WDR7: variants seen among roughly 807,000 people sequenced by gnomAD.
WDR7 encodes the protein WD repeat domain 7.
WDR7 carries 46 observed loss-of-function variants against 169.4 expected under a neutral mutation model. The ratio of observed to expected loss-of-function variants is 0.27; its 90% confidence interval spans 0.21 to 0.35. The LOEUF (loss-of-function observed/expected upper bound fraction) is 0.35. Among genes scored for constraint, WDR7 ranks in the 10% least tolerant of loss-of-function variants. The probability of loss-of-function intolerance (pLI) is 1.00; values close to 1 mark genes in which losing one functional copy is unlikely to be tolerated. For synonymous variants in WDR7, 612 were observed against 666.8 expected (o/e 0.92, Z 1.27); for missense variants, 1,534 against 1,859.3 (o/e 0.83, Z 3.22).
rs1276941515 is a variant in WDR7, at chr18:56,938,568, A to G, written c.3867A>G (p.Gln1289=). Reference sequence around the variant, plus strand: ...ATACGGCTCTTGCAGCAAATACCCAATCACAGCAGAATATGCACACAACAA... The same window carrying G: ...ATACGGCTCTTGCAGCAAATACCCAGTCACAGCAGAATATGCACACAACAA... ...HRHTALAANT[Q]SQQNMHTTTL... is the part of the protein sequence containing the mutation. The change falls in exon 24 of 28, where the codon CAA becomes CAG. Residue 1289 remains glutamine (Q), a synonymous_variant. Transcript: ENST00000254442. The G allele has an allele frequency of 1.2e-6, 2 of 1,613,862 alleles. No individual in the cohort carries two copies. Among genetic ancestry groups the G allele is most frequent in the Non-Finnish European group, 1.7e-6 (2 of 1,179,908 alleles).
intron 20 of WDR7, among the ~76,000 whole-genome samples, chr18:56,851,405 C>T (rs756129408): frequency 7.9e-5 from 12 of 152,172 alleles, no homozygotes; most frequent in South Asian, 6.2e-4. Context: ...TTTTCTGAAA[C>T]GATTTTCCTG....
intron 20 of WDR7, among the ~76,000 whole-genome samples, chr18:56,818,341 T>G (rs1244214035): frequency 6.6e-6 from 1 of 152,228 alleles, no homozygotes; most frequent in African/African-American, 2.4e-5. Flanking sequence ...TTACAGTATA[T>G]GATTTTTTAA....
chr18:56,756,525 G>T, intron 14 of WDR7, 58 bp from the exon 15 acceptor site: 1 of 1,324,914 alleles, frequency 7.5e-7, no homozygotes, highest in Non-Finnish European at 1.0e-6. Context: ...GTTTATTAAT[G>T]AATGTATGAA....
intron 13 of WDR7, among the ~76,000 whole-genome samples, chr18:56,728,086 C>T (rs532157900): frequency 5.9e-5 from 9 of 152,216 alleles, no homozygotes; most frequent in Admixed American, 3.9e-4. Flanking sequence ...TGGTTATTTT[C>T]AGAATATGTA....
At chr18:56,778,086 C>T (rs1046413862) in intron 17 of WDR7, among the ~76,000 whole-genome samples, 1 of 152,048 alleles carries the variant, frequency 6.6e-6, no homozygotes, top group African/African-American at 2.4e-5. Flanking sequence ...TAAAGTATAT[C>T]TCCCTCTATT....
chr18:56,820,573 T>G (rs982085379), intron 20 of WDR7, among the ~76,000 whole-genome samples: 1 of 152,014 alleles, frequency 6.6e-6, no homozygotes, highest in African/African-American at 2.4e-5. Flanking sequence ...GAATAATGTA[T>G]TTTGCTATTC....
chr18:57,007,073 G>A (rs78504775), intron 26 of WDR7, among the ~76,000 whole-genome samples: 8,206 of 150,324 alleles, frequency 0.055, 440 homozygotes, highest in African/African-American at 0.13. Flanking sequence ...TCCACCTCCC[G>A]GGTTCACGCC....
At chr18:57,004,185 A>C (rs895520204) in intron 26 of WDR7, among the ~76,000 whole-genome samples, 1 of 152,106 alleles carries the variant, frequency 6.6e-6, no homozygotes, top group South Asian at 2.1e-4. Flanking sequence ...ATTTTAGCTT[A>C]GAGCTTTGGA....
At position 56,820,359 on chromosome 18, in the gene WDR7, A is replaced by AAAAAACAAAAAC. The variant is rs1555695958; in HGVS notation, c.3304+4221_3304+4222insAAAAACAAAAAC. Among the ~76,000 whole-genome samples the AAAAAACAAAAAC allele has an allele frequency of 2.1e-4, 27 of 127,506 alleles. 1 individual carries two copies. Among genetic ancestry groups the AAAAAACAAAAAC allele is most frequent in the African/African-American group, 9.1e-4 (26 of 28,416 alleles). 83.6% of individuals were successfully genotyped at this position (127,506 alleles called of 152,430 possible). On this transcript the variant is annotated intron_variant, in intron 20 of 27. Coordinates refer to ENST00000254442, the MANE Select transcript of WDR7 (RefSeq NM_015285.3). ...ATTGTCAAAAAAAAAAAAAAAAAAA[A>AAAAAACAAAAAC]AAAAACCACCTTGATACTAGATCAG...
chr18:56,980,037 C>G (rs1223770046), intron 26 of WDR7, among the ~76,000 whole-genome samples: 1 of 152,200 alleles, frequency 6.6e-6, no homozygotes, highest in Non-Finnish European at 1.5e-5. Flanking sequence ...ATTCTGAGCT[C>G]TCCTCTAAGT....
chr18:56,882,111 G>A (rs374985225), intron 21 of WDR7, among the ~76,000 whole-genome samples: 1 of 152,018 alleles, frequency 6.6e-6, no homozygotes, highest in Admixed American at 6.6e-5. Context: ...CTCCCCACTC[G>A]GGCTTATTTA....
intron 20 of WDR7, among the ~76,000 whole-genome samples, chr18:56,862,995 G>C (rs1251123000): frequency 6.6e-6 from 1 of 151,760 alleles, no homozygotes; most frequent in African/African-American, 2.4e-5. Flanking sequence ...AAAATCCAGA[G>C]GAGTACCAGT....
intron 12 of WDR7, among the ~76,000 whole-genome samples, chr18:56,715,846 T>A (rs1339198476): frequency 1.3e-5 from 2 of 152,182 alleles, no homozygotes; most frequent in Non-Finnish European, 2.9e-5. Context: ...TGACCACTTT[T>A]TGGCAGATCG....
chr18:56,965,971 T>G (rs1307285230), intron 26 of WDR7, among the ~76,000 whole-genome samples: 2 of 152,152 alleles, frequency 1.3e-5, no homozygotes, highest in Admixed American at 6.6e-5. Context: ...GCTTCCTGAT[T>G]TGTAAAATCG....
intron 1 of WDR7, among the ~76,000 whole-genome samples, chr18:56,659,438 A>G (rs1487646068): frequency 1.3e-5 from 2 of 152,212 alleles, no homozygotes; most frequent in African/African-American, 4.8e-5. Flanking sequence ...TGGGAATACA[A>G]TAGAGAAGAA....
chr18:56,752,864 G>A (rs933680687), intron 14 of WDR7, among the ~76,000 whole-genome samples: 1 of 152,134 alleles, frequency 6.6e-6, no homozygotes, highest in Non-Finnish European at 1.5e-5. Context: ...GACTTGAGTG[G>A]CAGAAGAGAG....
chr18:56,711,794 G>A (rs2026091616), intron 12 of WDR7, among the ~76,000 whole-genome samples: 1 of 151,882 alleles, frequency 6.6e-6, no homozygotes, highest in African/African-American at 2.4e-5. Context: ...AATTTCATAG[G>A]CTGTTTTTTC....
rs181236091 is a variant in WDR7 at position 56,825,142 on chromosome 18, G to A, written c.3304+8998G>A. Among the ~76,000 whole-genome samples the A allele has an allele frequency of 2.6e-5, 4 of 152,132 alleles. No individual in the cohort carries two copies. In the South Asian group the frequency reaches 8.3e-4, roughly 32 times the overall value. ...CTTGCTCTGGTAACTGTGCCTCCTC[G>A]TTTCTAGGATGGATTCTGTCAGCAA... On this transcript the variant is annotated intron_variant, in intron 20 of 27. Coordinates refer to ENST00000254442, the MANE Select transcript of WDR7 (RefSeq NM_015285.3).
chr18:56,900,524 T>G (rs1382451174), intron 21 of WDR7, among the ~76,000 whole-genome samples: 1 of 152,170 alleles, frequency 6.6e-6, no homozygotes, highest in Non-Finnish European at 1.5e-5. Context: ...GGTCCAGAGA[T>G]ACTATGTGCA....
Sources: allele counts gnomAD v4.1 joint callset (sites outside exome capture counted in the v4.1 genomes callset), GRCh38; gene constraint gnomAD v4.1.1; transcripts MANE v1.5; gene names NCBI Gene and HGNC (gene_info 2026-07-23, HGNC 2026-07-21).